The following KCNK13 variants were observed in gnomAD, a reference collection of about 807,000 sequenced individuals.
KCNK13 encodes the protein potassium channel subfamily K member 13.
KCNK13 carries 12 observed loss-of-function variants against 23.4 expected under a neutral mutation model. The observed-to-expected ratio is 0.51, with a 90% CI of 0.33 to 0.83. The LOEUF is 0.83. Ranked by LOEUF, KCNK13 falls within the 40% of genes least tolerant of loss-of-function variation. KCNK13 has a pLI of 0.02. For missense variants in KCNK13, 463 were observed against 556.3 expected, an observed-to-expected ratio of 0.83 and a Z score of 1.69; for synonymous variants, 231 against 229.5, an observed-to-expected ratio of 1.01 and a Z score of -0.06.
Position 90,184,146 on chromosome 14 carries a change from A to G in KCNK13, c.370A>G (p.Lys124Glu), listed in dbSNP as rs748513542. Residue 124 changes from lysine to glutamate, a missense_variant, in exon 2 of 2, where the codon AAA becomes GAA. Transcript: ENST00000282146. This position sits in a 1 kb window ranked among gnomAD's most constrained non-coding sequence, Gnocchi z 5.6. Reference sequence around the variant, plus strand: ...GACAACTCCGGCGACAGTAGGAGGAAAAATCTTTCTGATCTTTTACGGCCT... The same window carrying G: ...GACAACTCCGGCGACAGTAGGAGGAGAAATCTTTCTGATCTTTTACGGCCT... ...GMTTPATVGG[K>E]IFLIFYGLVG... 6.2e-7 allele frequency: 1 copy of G among 1,614,058 alleles called. No homozygotes were observed. The highest frequency in any genetic ancestry group is 1.7e-5 in the Admixed American group (1 of 60,022).
chr14:90,126,761 T>A (rs2140420148), intron 1 of KCNK13, among the ~76,000 whole-genome samples: 1 of 152,288 alleles, frequency 6.6e-6, no homozygotes, highest in South Asian at 2.1e-4. Context: ...CAGGCTGGTC[T>A]CGAACTCCTG....
At chr14:90,112,068 T>C (rs1487795910) in intron 1 of KCNK13, among the ~76,000 whole-genome samples, 1 of 152,208 alleles carries the variant, frequency 6.6e-6, no homozygotes, top group Non-Finnish European at 1.5e-5. Flanking sequence ...ATCAAGGCTC[T>C]GCCTTAGCAC....
intron 1 of KCNK13, among the ~76,000 whole-genome samples, chr14:90,152,450 G>A (rs996046673): frequency 1.3e-5 from 2 of 152,082 alleles, no homozygotes; most frequent in Non-Finnish European, 2.9e-5. Flanking sequence ...CAGGAGAATC[G>A]CTTGAACCCG....
chr14:90,130,573 G>C (rs1023259658), intron 1 of KCNK13, among the ~76,000 whole-genome samples: 2 of 152,000 alleles, frequency 1.3e-5, no homozygotes, highest in Admixed American at 1.3e-4. Context: ...AGCACTTTGG[G>C]AGGCCGAGGT....
chr14:90,168,997 G>T (rs1890335563), intron 1 of KCNK13, among the ~76,000 whole-genome samples: 1 of 152,138 alleles, frequency 6.6e-6, no homozygotes, highest in Non-Finnish European at 1.5e-5. Context: ...CACCATGATT[G>T]TGAAGCCTCC....
chr14:90,173,850 T>G (rs770130016), intron 1 of KCNK13, among the ~76,000 whole-genome samples: 28 of 152,228 alleles, frequency 1.8e-4, no homozygotes, highest in Non-Finnish European at 7.3e-5. Flanking sequence ...AAGAAACACC[T>G]GAGACTGGAT....
At chr14:90,174,927 G>C (rs1227115017) in intron 1 of KCNK13, among the ~76,000 whole-genome samples, 1 of 152,000 alleles carries the variant, frequency 6.6e-6, no homozygotes, top group African/African-American at 2.4e-5. Flanking sequence ...AAGAATGTTA[G>C]CTCTGGCTAA....
intron 1 of KCNK13, among the ~76,000 whole-genome samples, chr14:90,153,406 T>G (rs535122165): frequency 6.6e-6 from 1 of 152,330 alleles, no homozygotes; most frequent in East Asian, 1.9e-4. Flanking sequence ...GTACTATCTA[T>G]CTCACAGTTT....
At chr14:90,095,838 C>G (rs918078097) in intron 1 of KCNK13, among the ~76,000 whole-genome samples, 3 of 152,182 alleles carry the variant, frequency 2.0e-5, no homozygotes, top group Non-Finnish European at 4.4e-5. Flanking sequence ...ACCTGCCCCC[C>G]ACCTTCAGGT....
At chr14:90,080,080 A>G (rs1225850440) in intron 1 of KCNK13, among the ~76,000 whole-genome samples, 2 of 152,112 alleles carry the variant, frequency 1.3e-5, no homozygotes, top group Admixed American at 1.3e-4. Context: ...CAAAGTGAGG[A>G]CGGCTGGAGG....
chr14:90,091,795 G>A (rs908210089), intron 1 of KCNK13, among the ~76,000 whole-genome samples: 2 of 151,826 alleles, frequency 1.3e-5, no homozygotes, highest in Non-Finnish European at 2.9e-5. Flanking sequence ...GTGCTGGCAG[G>A]GGAGAAGGAG....
chr14:90,158,487 C>T (rs1338525866), intron 1 of KCNK13, among the ~76,000 whole-genome samples: 1 of 152,240 alleles, frequency 6.6e-6, no homozygotes, highest in African/African-American at 2.4e-5. Context: ...CTTGGCCAAG[C>T]ACTGGGGACC....
rs150206938 is a variant in KCNK13 at position 90,139,769 on chromosome 14, T to C, written c.335-44342T>C. On this transcript the variant is annotated intron_variant, in intron 1 of 1. Transcript: ENST00000282146. ...TTGAGCCCAGGAGTTCAAGACCAGC[T>C]TGGGCAACATGGCAAAATCCCATCT... Among the ~76,000 whole-genome samples the C allele has an allele frequency of 6.2e-3, 939 of 152,060 alleles. 12 individuals carry two copies. Among genetic ancestry groups the C allele is most frequent in the African/African-American group, 0.021 (862 of 41,480 alleles).
rs145711568 is a variant in KCNK13, at chr14:90,111,562, A to G, written c.334+49023A>G. ...AGTGGGAGAGGACAGTATGGAAGAC[A>G]GTGAAATGTTCGCTTTTGTTGTCCT... On this transcript the variant is annotated intron_variant, in intron 1 of 1. Transcript: ENST00000282146. 3.9e-5 allele frequency among the ~76,000 whole-genome samples: 6 copies of G among 152,232 alleles called. No individual in the cohort carries two copies. In the East Asian group the frequency reaches 9.7e-4, roughly 25 times the overall value.
intron 1 of KCNK13, among the ~76,000 whole-genome samples, chr14:90,102,343 G>C (rs1466098455): frequency 6.6e-6 from 1 of 152,174 alleles, no homozygotes; most frequent in African/African-American, 2.4e-5. Flanking sequence ...TGCAGATTCA[G>C]TTCATAACTC....
At chr14:90,165,494 G>A (rs1423981347) in intron 1 of KCNK13, among the ~76,000 whole-genome samples, 1 of 152,210 alleles carries the variant, frequency 6.6e-6, no homozygotes, top group African/African-American at 2.4e-5. Context: ...TCTTCAAAAT[G>A]TCTCAGAGCC....
At chr14:90,114,058 C>A (rs1889646335) in intron 1 of KCNK13, among the ~76,000 whole-genome samples, 1 of 152,180 alleles carries the variant, frequency 6.6e-6, no homozygotes, top group Non-Finnish European at 1.5e-5. Flanking sequence ...ATGGTGGGGT[C>A]AAAATGCCCT....
rs549067323 is a variant in KCNK13 at position 90,095,606 on chromosome 14, G to A, written c.334+33067G>A. On this transcript the variant is annotated intron_variant, in intron 1 of 1. Coordinates refer to ENST00000282146, the MANE Select transcript of KCNK13 (RefSeq NM_022054.4). Reference sequence around the variant, plus strand: ...TCTCAAACTTGTTCAGATGGTCTAAGAGTGGAAAAACTTAAGCTGTTTTTT... The same window carrying A: ...TCTCAAACTTGTTCAGATGGTCTAAAAGTGGAAAAACTTAAGCTGTTTTTT... Among the ~76,000 whole-genome samples the A allele has an allele frequency of 2.6e-5, 4 of 152,178 alleles. No individual in the cohort carries two copies. The South Asian group carries it at 8.3e-4, about 32-fold the overall frequency.
At chr14:90,096,710 A>G (rs1463422208) in intron 1 of KCNK13, among the ~76,000 whole-genome samples, 1 of 152,196 alleles carries the variant, frequency 6.6e-6, no homozygotes, top group Non-Finnish European at 1.5e-5. Flanking sequence ...TGAGACTCAC[A>G]ACAGTGCTAG....
Sources: gnomAD v4.1 joint callset for allele counts (sites outside exome capture counted in the v4.1 genomes callset) on GRCh38, gnomAD v4.1.1 for gene constraint, Gnocchi (gnomAD v3.1) non-coding constraint, MANE v1.5 for transcripts, NCBI Gene and HGNC (gene_info 2026-07-23, HGNC 2026-07-21) for gene names.